The following FSHR variants were observed in gnomAD, a reference collection of about 807,000 sequenced individuals.
The protein encoded by FSHR is follicle-stimulating hormone receptor.
FSHR carries 46 observed loss-of-function variants against 52.1 expected under a neutral mutation model. The observed-to-expected ratio is 0.88, with a 90% CI of 0.70 to 1.13. The LOEUF is 1.13. Ranked by LOEUF, FSHR falls within the 50% of genes most tolerant of loss-of-function variation. FSHR has a pLI of 0.00. For synonymous variants in FSHR, 399 were observed against 309.6 expected (o/e 1.29, Z -3.03); for missense variants, 964 against 834.6 (o/e 1.16, Z -1.91).
chr2:49,034,432 A>C lies in FSHR; in HGVS notation c.225-14272T>G, dbSNP rs775198581. ...GTGGCCCTGTGGATACCTTTAGAGC[A>C]AAGTGGTATATGCAGGTGTCAATAG... On this transcript the variant is annotated intron_variant, in intron 2 of 9. Coordinates refer to ENST00000406846, the MANE Select transcript of FSHR (RefSeq NM_000145.4). Among the ~76,000 whole-genome samples, 42 of 152,224 alleles carry C rather than the reference A, an allele frequency of 2.8e-4. 1 individual carries two copies. Among genetic ancestry groups the C allele is most frequent in the Admixed American group, 2.7e-3 (42 of 15,290 alleles).
intron 8 of FSHR, among the ~76,000 whole-genome samples, chr2:48,977,473 C>T (rs1180428540): frequency 2.6e-5 from 4 of 152,088 alleles, no homozygotes; most frequent in African/African-American, 9.7e-5. Context: ...GGGGAAAGGA[C>T]TGAGGGTAGG....
At chr2:49,066,945 C>T (rs76526521) in intron 2 of FSHR, among the ~76,000 whole-genome samples, 10,399 of 152,038 alleles carry the variant, frequency 0.068, 555 homozygotes, top group East Asian at 0.21. Flanking sequence ...ACTCTACTGT[C>T]TCCCTGGTTT....
At chr2:49,083,229 C>A (rs1226151924) in intron 1 of FSHR, among the ~76,000 whole-genome samples, 2 of 149,026 alleles carry the variant, frequency 1.3e-5, no homozygotes, top group African/African-American at 4.9e-5. Context: ...CCCAGAATTT[C>A]ATATCCAGCC....
At chr2:49,033,435 C>T (rs1668171595) in intron 2 of FSHR, among the ~76,000 whole-genome samples, 1 of 152,028 alleles carries the variant, frequency 6.6e-6, no homozygotes, top group Admixed American at 6.5e-5. Flanking sequence ...AAATGCTGTG[C>T]AAAAGTAAGG....
At chr2:48,972,988 T>C (rs932303857) in intron 8 of FSHR, among the ~76,000 whole-genome samples, 1 of 148,450 alleles carries the variant, frequency 6.7e-6, no homozygotes, top group African/African-American at 2.6e-5. Context: ...TTTACACTCT[T>C]TCCCATTGCG....
intron 1 of FSHR, among the ~76,000 whole-genome samples, chr2:49,085,562 C>T (rs993471459): frequency 6.6e-6 from 1 of 152,150 alleles, no homozygotes; most frequent in African/African-American, 2.4e-5. Flanking sequence ...GTGGTGATTC[C>T]TCAGGGATCT....
chr2:48,988,647 T>C (rs982691574), intron 6 of FSHR, among the ~76,000 whole-genome samples: 3 of 152,242 alleles, frequency 2.0e-5, no homozygotes, highest in Admixed American at 6.5e-5. Flanking sequence ...ATCTTTTTCT[T>C]TGGGCAACAA....
intron 8 of FSHR, among the ~76,000 whole-genome samples, chr2:48,980,621 C>G (rs1326329824): frequency 6.6e-6 from 1 of 152,182 alleles, no homozygotes; most frequent in African/African-American, 2.4e-5. Context: ...TTATTTTCCT[C>G]TCTATTTTAG....
At chr2:49,128,966 T>C (rs1672164550) in intron 1 of FSHR, among the ~76,000 whole-genome samples, 2 of 151,958 alleles carry the variant, frequency 1.3e-5, no homozygotes, top group Non-Finnish European at 2.9e-5. Context: ...TCTATTATTT[T>C]CTCACAATCC....
chr2:48,985,733 G>C (rs1440857705), intron 6 of FSHR, among the ~76,000 whole-genome samples: 1 of 106,156 alleles, frequency 9.4e-6, no homozygotes, highest in Non-Finnish European at 1.8e-5. Context: ...TTGAGACGGA[G>C]TCTCGCTCTG....
chr2:49,102,335 C>T (rs1451632060), intron 1 of FSHR, among the ~76,000 whole-genome samples: 1 of 151,954 alleles, frequency 6.6e-6, no homozygotes, highest in East Asian at 1.9e-4. Flanking sequence ...TTTGATAATG[C>T]TGATGAGACA....
chr2:49,145,762 C>G (rs1449825845), intron 1 of FSHR, among the ~76,000 whole-genome samples: 1 of 151,998 alleles, frequency 6.6e-6, no homozygotes, highest in Non-Finnish European at 1.5e-5. Flanking sequence ...ATTGTTTTCT[C>G]TCCAGTGCCT....
At chr2:48,991,014 C>T (rs1675749797) in intron 4 of FSHR, among the ~76,000 whole-genome samples, 1 of 152,162 alleles carries the variant, frequency 6.6e-6, no homozygotes, top group Non-Finnish European at 1.5e-5. Flanking sequence ...CCTTTCTCCA[C>T]TCCAAGCGAT....
rs1013162677 is a variant in FSHR, at chr2:49,023,270, C to A, written c.225-3110G>T. The stretch of plus-strand genomic sequence containing the variant: ...TGTTTTGTCGTTGCTTTTTTTTGGT[C>A]ATTGTCTAATTCATCTGTTTTTGTA... On this transcript the variant is annotated intron_variant, in intron 2 of 9. Coordinates refer to ENST00000406846, the MANE Select transcript of FSHR (RefSeq NM_000145.4). Among the ~76,000 whole-genome samples the A allele has an allele frequency of 5.3e-5, 8 of 152,062 alleles. No homozygotes were observed. In the East Asian group the frequency reaches 1.5e-3, roughly 29 times the overall value.
At chr2:48,993,346 T>C (rs1399397385) in intron 4 of FSHR, among the ~76,000 whole-genome samples, 3 of 152,176 alleles carry the variant, frequency 2.0e-5, no homozygotes, top group African/African-American at 4.8e-5. Context: ...TTACTCTCCA[T>C]AGATAGAATT....
At chr2:49,064,479 G>A (rs1305130448) in intron 2 of FSHR, among the ~76,000 whole-genome samples, 4 of 152,076 alleles carry the variant, frequency 2.6e-5, no homozygotes, top group African/African-American at 9.7e-5. Context: ...TCCACCATGT[G>A]AGGACTCAGC....
intron 4 of FSHR, among the ~76,000 whole-genome samples, chr2:49,007,525 A>T (rs374186395): frequency 6.6e-6 from 1 of 152,170 alleles, no homozygotes; most frequent in East Asian, 1.9e-4. Context: ...AGGGTTGAGA[A>T]CTTTTAGAAT....
intron 1 of FSHR, among the ~76,000 whole-genome samples, chr2:49,131,138 T>C (rs375591376): frequency 1.1e-4 from 17 of 152,090 alleles, no homozygotes; most frequent in Non-Finnish European, 1.8e-4. Flanking sequence ...ATACAATAAA[T>C]GGGGAGATAG....
At position 49,146,350 on chromosome 2, in the gene FSHR, G is replaced by A. The variant is rs186000078; in HGVS notation, c.152+7916C>T. Among the ~76,000 whole-genome samples the A allele has an allele frequency of 6.9e-4, 105 of 152,132 alleles. No individual in the cohort carries two copies. The East Asian group carries it at 8.5e-3, about 12-fold the overall frequency. ...TCAAGGATGTGGCCCTTTCATATAA[G>A]GGGCCTTTCTTTCTCAAGTCCTTAT... On this transcript the variant is annotated intron_variant, in intron 1 of 9. Coordinates refer to ENST00000406846, the MANE Select transcript of FSHR (RefSeq NM_000145.4).
Sources: gnomAD v4.1 joint callset for allele counts (sites outside exome capture counted in the v4.1 genomes callset) on GRCh38, gnomAD v4.1.1 for gene constraint, MANE v1.5 for transcripts, NCBI Gene and HGNC (gene_info 2026-07-23, HGNC 2026-07-21) for gene names.